ARHGAP21: variants seen among roughly 807,000 people sequenced by gnomAD.
ARHGAP21 encodes the protein Rho GTPase activating protein 21.
ARHGAP21 carries 38 observed loss-of-function variants against 164.6 expected under a neutral mutation model. That is an observed-to-expected ratio of 0.23 (90% CI 0.18 to 0.30). The LOEUF (loss-of-function observed/expected upper bound fraction) is 0.30. Among genes scored for constraint, ARHGAP21 ranks in the 10% least tolerant of loss-of-function variants. ARHGAP21 has a pLI of 1.00. For synonymous variants in ARHGAP21, 766 were observed against 857.9 expected, an observed-to-expected ratio of 0.89 and a Z score of 1.87; for missense variants, 1,822 against 2,370.7, an observed-to-expected ratio of 0.77 and a Z score of 4.81.
intron 8 of ARHGAP21, among the ~76,000 whole-genome samples, chr10:24,622,525 T>C (rs1834684715): frequency 6.9e-6 from 1 of 144,956 alleles, no homozygotes; most frequent in Non-Finnish European, 1.5e-5. Flanking sequence ...ATCAGTTATG[T>C]ACAGGATACA....
intron 2 of ARHGAP21, among the ~76,000 whole-genome samples, chr10:24,690,808 AC>A (rs1240387550): frequency 4.3e-5 from 6 of 140,424 alleles, no homozygotes; most frequent in Non-Finnish European, 9.3e-5. Flanking sequence ...AGCCTGAGTG[AC>A]AGAGGGAGAC....
At chr10:24,597,883 TA>T in intron 15 of ARHGAP21, 61 bp downstream of exon 15, 2 of 1,512,552 alleles carry the variant, frequency 1.3e-6, no homozygotes, top group African/African-American at 2.8e-5. Context: ...TCCTTGCAAA[TA>T]AGGGGGATGA....
At chr10:24,590,606 T>C (rs753982321) in intron 24 of ARHGAP21, 24 of 1,403,182 alleles carry the variant, frequency 1.7e-5, no homozygotes, top group Non-Finnish European at 2.2e-5. Context: ...GTGCAACAGT[T>C]TGGCAGGAGA....
intron 17 of ARHGAP21, 188 bp downstream of exon 17, chr10:24,596,552 C>A: frequency 1.5e-6 from 1 of 686,402 alleles, no homozygotes; most frequent in South Asian, 2.3e-5. Context: ...AATAATTATT[C>A]AATTTCGGAG....
chr10:24,670,463 C>A lies in ARHGAP21; in HGVS notation c.64-66G>T, dbSNP rs932565354. ...ATATACTTCCTCATCTAAAAAAATTCTATGTAAAAATGTTAATACCTGAGC... is the reference window on the plus strand; with the variant it reads ...ATATACTTCCTCATCTAAAAAAATTATATGTAAAAATGTTAATACCTGAGC... On this transcript the variant is annotated intron_variant, in intron 2 of 25. Transcript: ENST00000396432. 6.1e-6 allele frequency: 7 copies of A among 1,145,872 alleles called. No individual in the cohort carries two copies. In the African/African-American group the frequency reaches 1.1e-4, roughly 18 times the overall value. 71.0% of individuals were successfully genotyped at this position (1,145,872 alleles called of 1,614,324 possible).
chr10:24,638,389 T>C (rs749251136), intron 4 of ARHGAP21, among the ~76,000 whole-genome samples: 4 of 152,262 alleles, frequency 2.6e-5, no homozygotes, highest in Non-Finnish European at 5.9e-5. Context: ...TTTTAAGATA[T>C]GTGCTCCGCA....
chr10:24,677,403 A>C (rs944545802), intron 2 of ARHGAP21, among the ~76,000 whole-genome samples: 1 of 152,234 alleles, frequency 6.6e-6, no homozygotes, highest in Non-Finnish European at 1.5e-5. Context: ...CTGGGCTAGC[A>C]ATCAATAGTG....
chr10:24,591,995 T>C lies in ARHGAP21; in HGVS notation c.3894A>G (p.Leu1298=), dbSNP rs759702894. ...CAAGGGTGGGACCAAACACTATTGC[T>C]AGGTTTCTTGGTTCCATCTGAAAGA... The part of the protein sequence containing the change: ...SEKNKMEPRN[L]AIVFGPTLVR... The change falls in exon 22 of 26, where the codon CTA becomes CTG. Residue 1298 remains leucine, a synonymous_variant. Coordinates refer to ENST00000396432, the MANE Select transcript of ARHGAP21 (RefSeq NM_020824.4). 49 of 1,605,696 alleles carry C rather than the reference T, an allele frequency of 3.1e-5. No homozygotes were observed. Among genetic ancestry groups the C allele is most frequent in the Non-Finnish European group, 4.2e-5 (49 of 1,177,172 alleles).
chr10:24,651,075 A>T (rs1428033576), intron 4 of ARHGAP21, among the ~76,000 whole-genome samples: 1 of 152,192 alleles, frequency 6.6e-6, no homozygotes, highest in Non-Finnish European at 1.5e-5. Context: ...GATGAAAAGA[A>T]AAAGGCCAAC....
In ARHGAP21 at chr10:24,607,883, T is replaced by C; in HGVS notation, c.2443A>G (p.Ile815Val). The change falls in exon 10 of 26, where the codon ATT (isoleucine) becomes GTT (valine). Residue 815 changes from isoleucine to valine, a missense_variant. By Grantham distance (29) the Ile-to-Val change is conservative. Coordinates refer to ENST00000396432, the MANE Select transcript of ARHGAP21 (RefSeq NM_020824.4). ...GGGATATGTGCAATATCATGATCAATGCTAGGGCTAGTTGGTTCATCTGTA... is the reference window on the plus strand; with the variant it reads ...GGGATATGTGCAATATCATGATCAACGCTAGGGCTAGTTGGTTCATCTGTA... ...PFIDEPTSPSIDHDIAHIPAS... is the reference protein window; with the variant it reads ...PFIDEPTSPSVDHDIAHIPAS... 6.2e-7 allele frequency: 1 copy of C among 1,608,602 alleles called. No homozygotes were observed. Among genetic ancestry groups the C allele is most frequent in the Non-Finnish European group, 8.5e-7 (1 of 1,177,658 alleles).
At chr10:24,614,962 G>A (rs1043302847) in intron 9 of ARHGAP21, among the ~76,000 whole-genome samples, 1 of 150,166 alleles carries the variant, frequency 6.7e-6, no homozygotes, top group African/African-American at 2.4e-5. Context: ...TGAGGGGGAC[G>A]GATCACCTGA....
chr10:24,649,524 T>C (rs1837941934), intron 4 of ARHGAP21, among the ~76,000 whole-genome samples: 1 of 152,116 alleles, frequency 6.6e-6, no homozygotes, highest in African/African-American at 2.4e-5. Flanking sequence ...AGGGGAAAGA[T>C]AACTCTAAGA....
At chr10:24,605,751 A>G (rs931012660) in intron 11 of ARHGAP21, 8 of 152,242 alleles carry the variant, frequency 5.3e-5, no homozygotes, top group African/African-American at 1.9e-4. Flanking sequence ...GAAAATGTAC[A>G]TAAGAATTCA....
chr10:24,630,604 G>A (rs922197402), intron 6 of ARHGAP21, among the ~76,000 whole-genome samples: 12 of 152,206 alleles, frequency 7.9e-5, no homozygotes, highest in African/African-American at 2.9e-4. Flanking sequence ...CCATTCTCAT[G>A]CCTCAGCTTC....
chr10:24,723,761 C>A lies in ARHGAP21; in HGVS notation c.-580G>T. On this transcript the variant is annotated 5_prime_UTR_variant, in exon 1 of 26. Transcript: ENST00000396432. Reference sequence around the variant, plus strand: ...AGGCACCGCCGCGACCTGCCCCGGCCGGCCCCGGGCTCTCGGCCGCCGCAG... The same window carrying A: ...AGGCACCGCCGCGACCTGCCCCGGCAGGCCCCGGGCTCTCGGCCGCCGCAG... 7.0e-6 allele frequency: 1 copy of A among 143,218 alleles called. No homozygotes were observed. The highest frequency in any genetic ancestry group is 2.2e-4 in the South Asian group (1 of 4,520). 8.9% of individuals were successfully genotyped at this position (143,218 alleles called of 1,614,324 possible). A position where few individuals can be genotyped will look rare whatever the true frequency, so the allele number is the denominator to read the frequency against.
rs749565719 is a variant in ARHGAP21 at position 24,586,066 on chromosome 10, A to G, written c.4223T>C (p.Leu1408Pro). The G allele has an allele frequency of 3.7e-6, 6 of 1,613,288 alleles. No homozygotes were observed. The East Asian group carries it at 8.9e-5, about 24-fold the overall frequency. Reference protein sequence around the residue: ...GSGKDQYSRELLVSSIFAAAS... With the variant: ...GSGKDQYSREPLVSSIFAAAS... ...AGCTGCAAAGATGGAGGACACAAGC[A>G]GTTCCCTGCTATACTGATCCTTTCC... Residue 1408 changes from leucine to proline, a missense_variant, in exon 26 of 26, where the codon CTG becomes CCG. Leu to Pro is a moderately conservative substitution (Grantham distance 98). Transcript: ENST00000396432.
At chr10:24,624,629 C>T (rs1289709220) in intron 7 of ARHGAP21, among the ~76,000 whole-genome samples, 2 of 151,822 alleles carry the variant, frequency 1.3e-5, no homozygotes, top group Non-Finnish European at 2.9e-5. Context: ...TGTGAACCAC[C>T]GAGCCCGGGT....
chr10:24,657,813 G>A (rs1194802909), intron 4 of ARHGAP21, among the ~76,000 whole-genome samples: 36 of 116,702 alleles, frequency 3.1e-4, no homozygotes, highest in African/African-American at 1.2e-3. Flanking sequence ...GATTAAGGGC[G>A]GTGCAAGATG....
intron 2 of ARHGAP21, among the ~76,000 whole-genome samples, chr10:24,703,446 G>A (rs1843907105): frequency 6.6e-6 from 1 of 152,088 alleles, no homozygotes; most frequent in Admixed American, 6.5e-5. Context: ...CCCTGATGTT[G>A]GTACTGTCAG....
Sources: gnomAD v4.1 joint callset for allele counts (sites outside exome capture counted in the v4.1 genomes callset) on GRCh38, gnomAD v4.1.1 for gene constraint, MANE v1.5 for transcripts, NCBI Gene and HGNC (gene_info 2026-07-23, HGNC 2026-07-21) for gene names.